LMTK2: variants seen among roughly 807,000 people sequenced by gnomAD.
The protein encoded by LMTK2 is lemur tail kinase 2, also known as serine/threonine-protein kinase LMTK2.
LMTK2 carries 37 observed loss-of-function variants against 127.5 expected under a neutral mutation model. That is an observed-to-expected ratio of 0.29 (90% CI 0.22 to 0.38). LMTK2 has a LOEUF of 0.38. LMTK2 is among the 10% of genes least tolerant of loss of function. The pLI is 1.00. For missense variants in LMTK2, 1,694 were observed against 1,920.3 expected (o/e 0.88, Z 2.20); for synonymous variants, 819 against 810.1 (o/e 1.01, Z -0.19).
chr7:98,118,131 T>C (rs954216728), intron 1 of LMTK2, among the ~76,000 whole-genome samples: 1 of 152,244 alleles, frequency 6.6e-6, no homozygotes, highest in African/African-American at 2.4e-5. Flanking sequence ...ACAGATGAGC[T>C]GGAAGGACTC....
rs1265210355 is a variant in LMTK2, at chr7:98,194,557, C to T, written c.4092C>T (p.Val1364=). 18 of 1,605,476 alleles carry T rather than the reference C, an allele frequency of 1.1e-5. No individual in the cohort carries two copies. Among genetic ancestry groups the T allele is most frequent in the Non-Finnish European group, 1.4e-5 (17 of 1,179,468 alleles). The change falls in exon 11 of 14, where the codon GTC becomes GTT. Residue 1364 remains valine, a synonymous_variant. Coordinates refer to ENST00000297293, the MANE Select transcript of LMTK2 (RefSeq NM_014916.4). This position sits in a 1 kb window ranked among gnomAD's most constrained non-coding sequence, Gnocchi z 5.4. ...TCACGTTTTTCGATGATGTCACAGT[C>T]TACCTGTTTGACCAGGTATCTGTTC... ...KAVTFFDDVT[V]YLFDQETPTK... is the part of the protein sequence containing the mutation.
intron 9 of LMTK2, 83 bp downstream of exon 9, chr7:98,187,081 A>G: frequency 7.7e-7 from 1 of 1,303,362 alleles, no homozygotes; most frequent in Non-Finnish European, 1.1e-6. Context: ...CTTAAAGGAA[A>G]GTAGTTGTAT....
Position 98,207,794 on chromosome 7 carries a change from G to A in LMTK2, c.*2302G>A, listed in dbSNP as rs1797830492. On this transcript the variant is annotated 3_prime_UTR_variant, in exon 14 of 14. Coordinates refer to ENST00000297293, the MANE Select transcript of LMTK2 (RefSeq NM_014916.4). ...TTTGGGGCTGTCAGTTTTCCACTAG[G>A]ATTAAGATTTTGGCCGGGCGCGGTG... The A allele has an allele frequency of 1.3e-5, 2 of 152,128 alleles. No individual in the cohort carries two copies. The highest frequency in any genetic ancestry group is 6.5e-5 in the Admixed American group (1 of 15,282). The allele number at this position is 152,128 out of a possible 1,614,324, so 9.4% of individuals were successfully genotyped here.
chr7:98,121,291 A>G lies in LMTK2; in HGVS notation c.103+14011A>G, dbSNP rs184260176. Among the ~76,000 whole-genome samples the G allele has an allele frequency of 3.3e-3, 496 of 152,312 alleles. 1 individual carries two copies. Among genetic ancestry groups the G allele is most frequent in the African/African-American group, 0.012 (479 of 41,556 alleles). ...GGGGTGAAATGTTAAACTACGAATC[A>G]TAAGATTGCCTCTTGAAGTACTAAA... On this transcript the variant is annotated intron_variant, in intron 1 of 13. Transcript: ENST00000297293.
chr7:98,137,630 G>T (rs1796613792), intron 2 of LMTK2, among the ~76,000 whole-genome samples, 188 bp downstream of exon 2: 1 of 152,214 alleles, frequency 6.6e-6, no homozygotes, highest in Non-Finnish European at 1.5e-5. Context: ...TAAAACAGCA[G>T]CTCAACTCTG....
At chr7:98,155,715 A>G (rs941005407) in intron 5 of LMTK2, among the ~76,000 whole-genome samples, 4 of 152,242 alleles carry the variant, frequency 2.6e-5, no homozygotes, top group Non-Finnish European at 5.9e-5. Flanking sequence ...GGGAATATCA[A>G]GACATTCTCA....
intron 6 of LMTK2, among the ~76,000 whole-genome samples, chr7:98,169,939 C>T (rs774452923): frequency 1.3e-5 from 2 of 152,200 alleles, no homozygotes; most frequent in Non-Finnish European, 2.9e-5. Context: ...GAGGGAAGAC[C>T]ACTGCTCCCC....
At chr7:98,181,032 G>A (rs1208544813) in intron 7 of LMTK2, among the ~76,000 whole-genome samples, 1 of 152,098 alleles carries the variant, frequency 6.6e-6, no homozygotes, top group Admixed American at 6.6e-5. Flanking sequence ...GCGCCACAGT[G>A]ATATCAGTAT....
In LMTK2 at chr7:98,185,153, A is replaced by G. The variant is rs758155796; in HGVS notation, c.876+18A>G. ...GGTACAAGGTAAGCCAGAGGTTTAA[A>G]TGTTTTCAGTCTGATTTAATTTGAA... On this transcript the variant is annotated intron_variant, in intron 8 of 13. Transcript: ENST00000297293. 2 of 1,532,626 alleles carry G rather than the reference A, an allele frequency of 1.3e-6. No homozygotes were observed. The highest frequency in any genetic ancestry group is 1.8e-6 in the Non-Finnish European group (2 of 1,107,498). The allele number at this position is 1,532,626 out of a possible 1,614,324, so 94.9% of individuals were successfully genotyped here.
intron 7 of LMTK2, among the ~76,000 whole-genome samples, chr7:98,172,187 T>G (rs1797203196): frequency 6.6e-6 from 1 of 152,172 alleles, no homozygotes; most frequent in Non-Finnish European, 1.5e-5. Flanking sequence ...GGATCCGATC[T>G]GATGAGGCCC....
At position 98,203,561 on chromosome 7, in the gene LMTK2, T is replaced by C; in HGVS notation, c.4108-13T>C. 6.3e-7 allele frequency: 1 copy of C among 1,576,236 alleles called. No individual in the cohort carries two copies. The highest frequency in any genetic ancestry group is 2.2e-5 in the East Asian group (1 of 44,508). Reference sequence around the variant, plus strand: ...AGGCCTTTGCTGACAGGAGTTTCTGTTTGACTTTTCAGGAGACCCCAACCA... The same window carrying C: ...AGGCCTTTGCTGACAGGAGTTTCTGCTTGACTTTTCAGGAGACCCCAACCA... On this transcript the variant is annotated splice_polypyrimidine_tract_variant and intron_variant, in intron 11 of 13. Coordinates refer to ENST00000297293, the MANE Select transcript of LMTK2 (RefSeq NM_014916.4).
chr7:98,134,082 C>T (rs893505754), intron 1 of LMTK2, among the ~76,000 whole-genome samples: 5 of 152,132 alleles, frequency 3.3e-5, no homozygotes, highest in Admixed American at 6.5e-5. Context: ...TCAAGGAAAG[C>T]GAGGGAGCTT....
chr7:98,147,160 A>C (rs1796786320), intron 3 of LMTK2, among the ~76,000 whole-genome samples: 1 of 151,612 alleles, frequency 6.6e-6, no homozygotes, highest in African/African-American at 2.4e-5. Context: ...CTCTTGCTGC[A>C]TTCGGGATTC....
chr7:98,166,390 T>C (rs2036076), intron 6 of LMTK2, among the ~76,000 whole-genome samples: 151,765 of 152,336 alleles, frequency 1, 75,601 homozygotes, highest in Middle Eastern at 1. Flanking sequence ...CACTGTTGTC[T>C]GTAAAAGTTT....
At position 98,205,686 on chromosome 7, in the gene LMTK2, GC is replaced by G. The variant is rs1213084777; in HGVS notation, c.*196del. ...CTCGGGAGCCCAGGTGCAGAGCGAG[GC>G]CGTGTCCAGGAGCCGGCGTCCCTCA... On this transcript the variant is annotated 3_prime_UTR_variant, in exon 14 of 14. Coordinates refer to ENST00000297293, the MANE Select transcript of LMTK2 (RefSeq NM_014916.4). The G allele has an allele frequency of 1.6e-6, 1 of 636,062 alleles. No homozygotes were observed. The highest frequency in any genetic ancestry group is 1.8e-5 in the African/African-American group (1 of 54,604). The allele number at this position is 636,062 out of a possible 1,614,324, so 39.4% of individuals were successfully genotyped here.
At chr7:98,119,639 G>A (rs957552935) in intron 1 of LMTK2, among the ~76,000 whole-genome samples, 12 of 152,142 alleles carry the variant, frequency 7.9e-5, no homozygotes, top group African/African-American at 2.2e-4. Context: ...TGCTGGTACC[G>A]TGAGCTGAGA....
intron 1 of LMTK2, among the ~76,000 whole-genome samples, chr7:98,115,962 T>C (rs750248921): frequency 6.6e-6 from 1 of 152,126 alleles, no homozygotes; most frequent in African/African-American, 2.4e-5. Flanking sequence ...CATGGTTTAC[T>C]GCATCCCTGA....
chr7:98,162,967 A>G (rs540447241), intron 6 of LMTK2, among the ~76,000 whole-genome samples: 1 of 152,336 alleles, frequency 6.6e-6, no homozygotes, highest in East Asian at 1.9e-4. Context: ...GGAAATTCCA[A>G]CACAGGCTAC....
intron 1 of LMTK2, among the ~76,000 whole-genome samples, chr7:98,112,450 C>G (rs750030690): frequency 3.3e-5 from 5 of 152,224 alleles, no homozygotes; most frequent in Non-Finnish European, 7.3e-5. Flanking sequence ...GCCACTAGCT[C>G]CCTGTGGATG....
Sources: gnomAD v4.1 joint callset for allele counts (sites outside exome capture counted in the v4.1 genomes callset) on GRCh38, gnomAD v4.1.1 for gene constraint, Gnocchi (gnomAD v3.1) non-coding constraint, MANE v1.5 for transcripts, NCBI Gene and HGNC (gene_info 2026-07-23, HGNC 2026-07-21) for gene names.